Variants in ARNT2 observed in about 807,000 individuals in gnomAD.
ARNT2 encodes the protein aryl hydrocarbon receptor nuclear translocator 2, also known as ARNT protein 2.
In ARNT2, 36 loss-of-function variants were observed where a neutral mutation model predicts 91.7. The ratio of observed to expected loss-of-function variants is 0.39; its 90% confidence interval spans 0.30 to 0.52. The LOEUF (loss-of-function observed/expected upper bound fraction) is 0.52, where lower values mean the gene tolerates loss of function less well. ARNT2 is among the 20% of genes least tolerant of loss of function. The probability of loss-of-function intolerance (pLI) is 0.72; values close to 1 mark genes in which losing one functional copy is unlikely to be tolerated. For missense variants in ARNT2, 775 were observed against 939.3 expected (o/e 0.83, Z 2.29); for synonymous variants, 365 against 347.1 (o/e 1.05, Z -0.57).
At chr15:80,437,922 T>TACGC (rs1555455704) in intron 1 of ARNT2, among the ~76,000 whole-genome samples, 1 of 141,562 alleles carries the variant, frequency 7.1e-6, no homozygotes. Context: ...TGTATTTACC[T>TACGC]ACACACACAC....
At chr15:80,475,764 C>T (rs534999543) in intron 5 of ARNT2, among the ~76,000 whole-genome samples, 79 of 152,216 alleles carry the variant, frequency 5.2e-4, no homozygotes, top group African/African-American at 1.8e-3. Flanking sequence ...TAGAGGTTGT[C>T]GTTGATATAT....
chr15:80,435,264 C>T (rs1595960530), intron 1 of ARNT2, among the ~76,000 whole-genome samples: 1 of 152,202 alleles, frequency 6.6e-6, no homozygotes, highest in African/African-American at 2.4e-5. Flanking sequence ...GTTCTCTTTC[C>T]CTCTTGGAGT....
intron 3 of ARNT2, among the ~76,000 whole-genome samples, chr15:80,469,716 G>C (rs1391358019): frequency 1.3e-5 from 2 of 152,164 alleles, no homozygotes; most frequent in African/African-American, 2.4e-5. Flanking sequence ...CCAGGTTCAA[G>C]CAATTCTTGT....
chr15:80,581,924 G>A (rs1898805640), intron 17 of ARNT2, among the ~76,000 whole-genome samples: 1 of 152,204 alleles, frequency 6.6e-6, no homozygotes, highest in South Asian at 2.1e-4. Flanking sequence ...CTCTCCGTGT[G>A]TGTAAGGAAC....
intron 1 of ARNT2, among the ~76,000 whole-genome samples, chr15:80,417,679 T>C (rs1162287773): frequency 6.6e-6 from 1 of 151,892 alleles, no homozygotes; most frequent in Non-Finnish European, 1.5e-5. Flanking sequence ...CCCCTCCCTT[T>C]TTTTAAAGAC....
chr15:80,563,034 C>G, intron 11 of ARNT2, 54 bp from the exon 12 acceptor site: 1 of 1,604,818 alleles, frequency 6.2e-7, no homozygotes. Context: ...CTCCCTCCTC[C>G]CGTTTGGCAC....
intron 8 of ARNT2, among the ~76,000 whole-genome samples, chr15:80,525,142 C>A (rs1897619896): frequency 6.6e-6 from 1 of 152,092 alleles, no homozygotes; most frequent in Admixed American, 6.6e-5. Flanking sequence ...CGAAATCAAT[C>A]TAAATTTTCT....
Position 80,576,985 on chromosome 15 carries a change from A to T in ARNT2, c.1613+20A>T. The T allele has an allele frequency of 6.2e-7, 1 of 1,610,132 alleles. No individual in the cohort carries two copies. The highest frequency in any genetic ancestry group is 8.5e-7 in the Non-Finnish European group (1 of 1,176,736). On this transcript the variant is annotated intron_variant, in intron 15 of 18. Transcript: ENST00000303329. Reference sequence around the variant, plus strand: ...CTTCAGGTATGTGCCAGCGAGGGGGACAATGGCGTGGGAAGATGCTCCCTC... The same window carrying T: ...CTTCAGGTATGTGCCAGCGAGGGGGTCAATGGCGTGGGAAGATGCTCCCTC...
At chr15:80,425,970 A>C (rs531100490) in intron 1 of ARNT2, among the ~76,000 whole-genome samples, 115 of 152,236 alleles carry the variant, frequency 7.6e-4, no homozygotes, top group African/African-American at 2.6e-3. Flanking sequence ...CTGAGGTAGA[A>C]GGATCGCTTG....
intron 5 of ARNT2, among the ~76,000 whole-genome samples, chr15:80,500,409 TTCC>T (rs1873933263): frequency 6.6e-6 from 1 of 152,238 alleles, no homozygotes; most frequent in African/African-American, 2.4e-5. Context: ...CATCTCACTG[TTCC>T]TCCTTTTTGA....
rs571224934 is a variant in ARNT2, at chr15:80,592,088, C to A, written c.2055+384C>A. Among the ~76,000 whole-genome samples the A allele has an allele frequency of 2.0e-5, 3 of 152,292 alleles. No individual in the cohort carries two copies. The East Asian group carries it at 5.8e-4, about 29-fold the overall frequency. On this transcript the variant is annotated intron_variant, in intron 18 of 18. Coordinates refer to ENST00000303329, the MANE Select transcript of ARNT2 (RefSeq NM_014862.4). ...CTGACCCTCTTTCTTCCCACCGTAG[C>A]CCCCAGGATGTGGAGGACATCCCCA...
In ARNT2 at chr15:80,404,522, AC is replaced by A; in HGVS notation, c.11del (p.Pro4ArgfsTer17). On this transcript the variant is annotated frameshift_variant, in exon 1 of 19. Coordinates refer to ENST00000303329, the MANE Select transcript of ARNT2 (RefSeq NM_014862.4). LOFTEE classifies it high-confidence loss of function. This position sits in a 1 kb window ranked among gnomAD's most constrained non-coding sequence, Gnocchi z 5.5. MA[T>X]PAAVNPPEMA... ...CCTATCCTCTCCGAGCAAGATGGCA[AC>A]CCCGGCGGCGGTCAACCCTCCGGGT... 2 of 1,222,024 alleles carry A rather than the reference AC, an allele frequency of 1.6e-6. No homozygotes were observed. The highest frequency in any genetic ancestry group is 1.0e-6 in the Non-Finnish European group (1 of 962,908). The allele number at this position is 1,222,024 out of a possible 1,614,324, so 75.7% of individuals were successfully genotyped here. A position where few individuals can be genotyped will look rare whatever the true frequency, so the allele number is the denominator to read the frequency against.
At chr15:80,561,275 A>G (rs988498856) in intron 11 of ARNT2, among the ~76,000 whole-genome samples, 9 of 152,100 alleles carry the variant, frequency 5.9e-5, no homozygotes, top group African/African-American at 1.9e-4. Flanking sequence ...CTCAGTTGGC[A>G]AACCCGACTG....
intron 8 of ARNT2, among the ~76,000 whole-genome samples, chr15:80,535,703 G>A (rs1566995631): frequency 6.7e-6 from 1 of 148,692 alleles, no homozygotes. Context: ...TTTTAATTTT[G>A]CTTATGTTGT....
chr15:80,540,010 C>G (rs1035664189), intron 8 of ARNT2, among the ~76,000 whole-genome samples: 2 of 151,990 alleles, frequency 1.3e-5, no homozygotes, highest in African/African-American at 4.8e-5. Context: ...ATAGAACTAC[C>G]ACATGATCCA....
At chr15:80,445,698 A>G (rs1896288673) in intron 1 of ARNT2, among the ~76,000 whole-genome samples, 1 of 151,868 alleles carries the variant, frequency 6.6e-6, no homozygotes, top group Admixed American at 6.6e-5. Context: ...CCCTCCTGAG[A>G]TCCGGGTGGG....
intron 18 of ARNT2, among the ~76,000 whole-genome samples, chr15:80,592,204 C>A (rs1312308608): frequency 6.6e-6 from 1 of 152,204 alleles, no homozygotes. Context: ...GATACCTGGG[C>A]ACCTTGAAAC....
At chr15:80,547,764 A>G (rs371610018) in intron 8 of ARNT2, among the ~76,000 whole-genome samples, 6 of 152,196 alleles carry the variant, frequency 3.9e-5, no homozygotes, top group African/African-American at 1.4e-4. Context: ...GATGTTTCTG[A>G]TGAGATACAT....
chr15:80,544,017 A>C (rs1330058829), intron 8 of ARNT2, among the ~76,000 whole-genome samples: 1 of 152,190 alleles, frequency 6.6e-6, no homozygotes, highest in East Asian at 1.9e-4. Context: ...CTGGGATTAC[A>C]GGTGTGAGCC....
Sources: allele counts gnomAD v4.1 joint callset (sites outside exome capture counted in the v4.1 genomes callset), GRCh38; gene constraint gnomAD v4.1.1; non-coding constraint Gnocchi (gnomAD v3.1); transcripts MANE v1.5; gene names NCBI Gene and HGNC (gene_info 2026-07-23, HGNC 2026-07-21).